Variants in MYOZ2 observed in about 807,000 individuals in gnomAD.
MYOZ2 encodes the protein myozenin 2, also known as myozenin-2.
In MYOZ2, 19 loss-of-function variants were observed where a neutral mutation model predicts 25.4. That is an observed-to-expected ratio of 0.75 (90% CI 0.52 to 1.10). MYOZ2 has a LOEUF of 1.10. Ranked by LOEUF, MYOZ2 falls within the 50% of genes least tolerant of loss-of-function variation. MYOZ2 has a pLI of 0.00. For missense variants in MYOZ2, 270 were observed against 317.9 expected, an observed-to-expected ratio of 0.85 and a Z score of 1.15; for synonymous variants, 92 against 106.9, an observed-to-expected ratio of 0.86 and a Z score of 0.86.
intron 5 of MYOZ2, among the ~76,000 whole-genome samples, chr4:119,167,950 G>A (rs1410666415): frequency 1.3e-5 from 2 of 152,200 alleles, no homozygotes; most frequent in East Asian, 3.9e-4. Context: ...AGCTCTGATG[G>A]CAATGTACAC....
intron 3 of MYOZ2, among the ~76,000 whole-genome samples, chr4:119,156,302 T>A (rs528583694): frequency 6.6e-6 from 1 of 151,264 alleles, no homozygotes; most frequent in Admixed American, 6.6e-5. Flanking sequence ...AATGGGGGAA[T>A]CTTGATCTAT....
intron 3 of MYOZ2, among the ~76,000 whole-genome samples, chr4:119,157,077 TACAA>T (rs1235255587): frequency 5.9e-5 from 9 of 152,172 alleles, no homozygotes; most frequent in East Asian, 1.9e-4. Flanking sequence ...CACAGAATCT[TACAA>T]ACAAATATAG....
intron 5 of MYOZ2, among the ~76,000 whole-genome samples, chr4:119,166,231 T>C (rs1013748719): frequency 6.6e-6 from 1 of 152,148 alleles, no homozygotes; most frequent in Non-Finnish European, 1.5e-5. Flanking sequence ...ATATGATACA[T>C]AGACAGCCCA....
rs148719062 is a variant in MYOZ2 at position 119,174,829 on chromosome 4, G to A, written c.560+10435G>A. On this transcript the variant is annotated intron_variant, in intron 5 of 5. Transcript: ENST00000307128. ...GCTACTGCTCACTTTTTGGGTCCACGCTGCTTTTATGAGCTGTAACAGTCA... is the reference window on the plus strand; with the variant it reads ...GCTACTGCTCACTTTTTGGGTCCACACTGCTTTTATGAGCTGTAACAGTCA... 3.0e-3 allele frequency among the ~76,000 whole-genome samples: 456 copies of A among 152,114 alleles called. 4 individuals are homozygous for A. Among genetic ancestry groups the A allele is most frequent in the African/African-American group, 0.011 (436 of 41,490 alleles).
intron 2 of MYOZ2, among the ~76,000 whole-genome samples, chr4:119,147,566 C>A (rs992986207): frequency 1.3e-5 from 2 of 151,928 alleles, no homozygotes; most frequent in Non-Finnish European, 2.9e-5. Context: ...CGTGGAGAAA[C>A]CCCGTCCCTA....
At chr4:119,150,321 G>T (rs1741417680) in intron 2 of MYOZ2, among the ~76,000 whole-genome samples, 1 of 151,994 alleles carries the variant, frequency 6.6e-6, no homozygotes, top group Non-Finnish European at 1.5e-5. Flanking sequence ...TAATATAAAT[G>T]GCATTTGAGC....
chr4:119,150,185 A>C (rs1303379829), intron 2 of MYOZ2, among the ~76,000 whole-genome samples: 1 of 152,248 alleles, frequency 6.6e-6, no homozygotes, highest in Non-Finnish European at 1.5e-5. Context: ...GGAGACACAG[A>C]AAGTAAAACC....
intron 2 of MYOZ2, among the ~76,000 whole-genome samples, chr4:119,144,477 G>A (rs538071895): frequency 7.2e-5 from 11 of 152,186 alleles, no homozygotes; most frequent in Admixed American, 2.0e-4. Flanking sequence ...TAAATGTCCA[G>A]TATTGCAGGG....
chr4:119,175,896 G>A (rs889361694), intron 5 of MYOZ2, among the ~76,000 whole-genome samples: 30 of 152,198 alleles, frequency 2.0e-4, no homozygotes, highest in African/African-American at 6.5e-4. Context: ...CTGAACAAGG[G>A]GCATTGTGTT....
intron 5 of MYOZ2, among the ~76,000 whole-genome samples, chr4:119,183,247 T>G (rs1013374231): frequency 6.6e-6 from 1 of 151,840 alleles, no homozygotes; most frequent in African/African-American, 2.4e-5. Context: ...ATGAAAGATA[T>G]AAAATAGGAT....
At chr4:119,158,903 G>A (rs1173119405) in intron 4 of MYOZ2, among the ~76,000 whole-genome samples, 3 of 151,978 alleles carry the variant, frequency 2.0e-5, no homozygotes, top group Non-Finnish European at 2.9e-5. Flanking sequence ...AGCACAACAG[G>A]GTGACCATAG....
intron 5 of MYOZ2, among the ~76,000 whole-genome samples, chr4:119,179,643 T>A (rs1240128971): frequency 1.3e-5 from 2 of 152,210 alleles, no homozygotes; most frequent in Non-Finnish European, 2.9e-5. Context: ...TGTCTTAGTT[T>A]GTGCAGCTGT....
intron 3 of MYOZ2, among the ~76,000 whole-genome samples, chr4:119,152,030 C>T (rs1468185558): frequency 6.6e-6 from 1 of 152,050 alleles, no homozygotes; most frequent in Non-Finnish European, 1.5e-5. Flanking sequence ...ATTTTGTTCC[C>T]TATATTTCTA....
intron 4 of MYOZ2, among the ~76,000 whole-genome samples, chr4:119,160,255 T>G (rs2149224053): frequency 6.6e-6 from 1 of 152,126 alleles, no homozygotes; most frequent in African/African-American, 2.4e-5. Flanking sequence ...TCTTATGCAA[T>G]AGAATACACA....
chr4:119,181,736 T>A (rs1742187682), intron 5 of MYOZ2, among the ~76,000 whole-genome samples: 1 of 152,174 alleles, frequency 6.6e-6, no homozygotes, highest in South Asian at 2.1e-4. Flanking sequence ...GTATTAAACA[T>A]TCTGCAGGCA....
chr4:119,158,977 A>G (rs1398215728), intron 4 of MYOZ2, among the ~76,000 whole-genome samples: 1 of 152,204 alleles, frequency 6.6e-6, no homozygotes, highest in Non-Finnish European at 1.5e-5. Flanking sequence ...TGTTTATAAC[A>G]TAAAGAATAA....
At chr4:119,166,921 G>C (rs1449724351) in intron 5 of MYOZ2, among the ~76,000 whole-genome samples, 4 of 152,154 alleles carry the variant, frequency 2.6e-5, no homozygotes, top group Non-Finnish European at 5.9e-5. Context: ...GTGCTCCAAT[G>C]ACCAGCCACT....
intron 5 of MYOZ2, among the ~76,000 whole-genome samples, chr4:119,175,288 C>T (rs1220260600): frequency 6.6e-6 from 1 of 152,078 alleles, no homozygotes; most frequent in Non-Finnish European, 1.5e-5. Flanking sequence ...TAATTGCCAA[C>T]CCAAATACTG....
chr4:119,170,282 TG>T (rs1453941980), intron 5 of MYOZ2, among the ~76,000 whole-genome samples: 7 of 124,344 alleles, frequency 5.6e-5, no homozygotes, highest in Non-Finnish European at 7.6e-5. Flanking sequence ...CAGTATTTGT[TG>T]TTTTTTTTTT....
Sources: allele counts gnomAD v4.1 joint callset (sites outside exome capture counted in the v4.1 genomes callset), GRCh38; gene constraint gnomAD v4.1.1; transcripts MANE v1.5; gene names NCBI Gene and HGNC (gene_info 2026-07-23, HGNC 2026-07-21).